NEGR1: variants seen among roughly 807,000 people sequenced by gnomAD.
NEGR1 encodes neuronal growth regulator 1.
A neutral mutation model predicts 40.9 loss-of-function variants in NEGR1; 10 were observed. That is an observed-to-expected ratio of 0.24 (90% confidence interval 0.15 to 0.42). The LOEUF (loss-of-function observed/expected upper bound fraction) is 0.42, where lower values mean the gene tolerates loss of function less well. Ranked by LOEUF, NEGR1 falls within the 10% of genes least tolerant of loss-of-function variation. NEGR1 has a pLI of 1.00. For missense variants in NEGR1, 352 were observed against 438.9 expected (o/e 0.80, Z 1.77); for synonymous variants, 185 against 166.8 (o/e 1.11, Z -0.84).
At chr1:71,583,268 C>T (rs561173863) in intron 6 of NEGR1, among the ~76,000 whole-genome samples, 4 of 151,898 alleles carry the variant, frequency 2.6e-5, no homozygotes, top group African/African-American at 4.8e-5. Context: ...AACAAGGAAA[C>T]GAAAATAATA....
At chr1:71,663,947 C>T (rs969561201) in intron 4 of NEGR1, among the ~76,000 whole-genome samples, 1 of 152,192 alleles carries the variant, frequency 6.6e-6, no homozygotes, top group Non-Finnish European at 1.5e-5. Flanking sequence ...AAGCAATATA[C>T]TGACTGGTCA....
intron 2 of NEGR1, among the ~76,000 whole-genome samples, chr1:71,894,722 C>G (rs891994882): frequency 6.6e-6 from 1 of 152,170 alleles, no homozygotes; most frequent in African/African-American, 2.4e-5. Flanking sequence ...AACTTGAAGT[C>G]TCTCAATAAG....
chr1:71,944,631 C>T (rs979574929), intron 1 of NEGR1, among the ~76,000 whole-genome samples: 2 of 152,118 alleles, frequency 1.3e-5, no homozygotes, highest in Non-Finnish European at 2.9e-5. Context: ...AAATAATAAA[C>T]TTATGCTACT....
intron 2 of NEGR1, among the ~76,000 whole-genome samples, chr1:71,825,445 A>G (rs1658584631): frequency 6.6e-6 from 1 of 151,958 alleles, no homozygotes; most frequent in Admixed American, 6.6e-5. Flanking sequence ...TCTTTAAAAT[A>G]TGATTCTGAT....
chr1:71,612,946 A>G (rs1388702366), intron 4 of NEGR1, among the ~76,000 whole-genome samples: 1 of 152,218 alleles, frequency 6.6e-6, no homozygotes, highest in African/African-American at 2.4e-5. Flanking sequence ...GAAACAAAGG[A>G]TGGAAGACTG....
chr1:72,049,372 T>C (rs564853491), intron 1 of NEGR1, among the ~76,000 whole-genome samples: 1 of 151,368 alleles, frequency 6.6e-6, no homozygotes, highest in Non-Finnish European at 1.5e-5. Flanking sequence ...AAACTGAAGA[T>C]AAAAATGAAG....
At chr1:71,476,319 C>A (rs574631710) in intron 6 of NEGR1, among the ~76,000 whole-genome samples, 1 of 151,986 alleles carries the variant, frequency 6.6e-6, no homozygotes, top group Non-Finnish European at 1.5e-5. Flanking sequence ...TCATTTTTGA[C>A]AACAAAAATT....
intron 1 of NEGR1, among the ~76,000 whole-genome samples, chr1:71,990,903 CAT>C (rs751558775): frequency 3.8e-3 from 465 of 123,182 alleles, no homozygotes; most frequent in African/African-American, 8.5e-3. Flanking sequence ...TAGGCATATA[CAT>C]ATATATATAT....
At chr1:71,852,317 C>T (rs1015558680) in intron 2 of NEGR1, among the ~76,000 whole-genome samples, 12 of 152,208 alleles carry the variant, frequency 7.9e-5, no homozygotes, top group Non-Finnish European at 1.6e-4. Flanking sequence ...CATATTCTGT[C>T]AGAACTGTGT....
chr1:71,752,122 A>G (rs1343507077), intron 3 of NEGR1, among the ~76,000 whole-genome samples: 1 of 152,236 alleles, frequency 6.6e-6, no homozygotes. Context: ...GATGCAATAG[A>G]AGTCCATATT....
chr1:71,443,441 T>C (rs1569877959), intron 6 of NEGR1, among the ~76,000 whole-genome samples: 1 of 152,352 alleles, frequency 6.6e-6, no homozygotes, highest in East Asian at 1.9e-4. Flanking sequence ...TATATCCACT[T>C]TTTTTAGTTA....
chr1:71,851,419 A>G (rs1659596845), intron 2 of NEGR1, among the ~76,000 whole-genome samples: 1 of 152,154 alleles, frequency 6.6e-6, no homozygotes. Flanking sequence ...TTTTCTTTTA[A>G]AACTCATTTA....
At chr1:71,600,904 C>T (rs1241060894) in intron 5 of NEGR1, among the ~76,000 whole-genome samples, 1 of 152,200 alleles carries the variant, frequency 6.6e-6, no homozygotes, top group East Asian at 1.9e-4. Context: ...GTACTAACCC[C>T]TTGATTCTAG....
At chr1:71,824,183 AAG>A (rs1404069290) in intron 2 of NEGR1, among the ~76,000 whole-genome samples, 1 of 152,008 alleles carries the variant, frequency 6.6e-6, no homozygotes, top group African/African-American at 2.4e-5. Flanking sequence ...TAGTGATACC[AAG>A]AGAGTTTCAG....
intron 1 of NEGR1, among the ~76,000 whole-genome samples, chr1:72,002,460 A>G (rs1042199224): frequency 1.3e-5 from 2 of 152,164 alleles, no homozygotes; most frequent in Non-Finnish European, 2.9e-5. Flanking sequence ...TGATAACTCT[A>G]ATATCAACTA....
chr1:71,506,484 G>C (rs530715561), intron 6 of NEGR1, among the ~76,000 whole-genome samples: 1 of 152,038 alleles, frequency 6.6e-6, no homozygotes, highest in South Asian at 2.1e-4. Flanking sequence ...CCTTTGGTGG[G>C]GCCCTAATGC....
chr1:72,187,359 T>C (rs1416274862), intron 1 of NEGR1, among the ~76,000 whole-genome samples: 1 of 151,502 alleles, frequency 6.6e-6, no homozygotes, highest in African/African-American at 2.4e-5. Flanking sequence ...ACATAGGAAA[T>C]ATCCTAACAC....
At chr1:72,066,158 T>G (rs1647266768) in intron 1 of NEGR1, among the ~76,000 whole-genome samples, 1 of 152,158 alleles carries the variant, frequency 6.6e-6, no homozygotes, top group Non-Finnish European at 1.5e-5. Context: ...CATTTAAAGA[T>G]ATTTATACCA....
chr1:71,496,115 T>C (rs761542034), intron 6 of NEGR1, among the ~76,000 whole-genome samples: 1 of 152,182 alleles, frequency 6.6e-6, no homozygotes, highest in Non-Finnish European at 1.5e-5. Flanking sequence ...TATTTCTTTT[T>C]TCATGAAAGA....
Sources: allele counts gnomAD v4.1 joint callset (sites outside exome capture counted in the v4.1 genomes callset), GRCh38; gene constraint gnomAD v4.1.1; transcripts MANE v1.5; gene names NCBI Gene and HGNC (gene_info 2026-07-23, HGNC 2026-07-21).